The following TXN variants were observed in gnomAD, a reference collection of about 807,000 sequenced individuals.
TXN encodes ADF.
TXN carries 10 observed loss-of-function variants against 16.5 expected under a neutral mutation model. The ratio of observed to expected loss-of-function variants is 0.61; its 90% CI spans 0.37 to 1.03. TXN has a LOEUF of 1.03. Ranked by LOEUF, TXN falls within the 50% of genes least tolerant of loss-of-function variation. TXN has a pLI of 0.01. For missense variants in TXN, 71 were observed against 122.5 expected (o/e 0.58, Z 1.98); for synonymous variants, 35 against 39.4 (o/e 0.89, Z 0.42).
At chr9:110,252,881 G>C (rs1397133346) in intron 1 of TXN, among the ~76,000 whole-genome samples, 2 of 152,214 alleles carry the variant, frequency 1.3e-5, no homozygotes, top group East Asian at 3.9e-4. Flanking sequence ...CTGACCTGAA[G>C]TGATCCACCC....
intron 1 of TXN, among the ~76,000 whole-genome samples, chr9:110,254,044 A>AT (rs374843648): frequency 1.8e-3 from 281 of 152,100 alleles, no homozygotes; most frequent in African/African-American, 6.1e-3. Context: ...GGTAGGTGTC[A>AT]TTTTTTTTAA....
intron 3 of TXN, among the ~76,000 whole-genome samples, chr9:110,248,813 CT>C (rs1328938531): frequency 1.3e-5 from 2 of 151,962 alleles, no homozygotes; most frequent in Non-Finnish European, 2.9e-5. Flanking sequence ...CATCTGGCAC[CT>C]ATTATTGCTT....
At chr9:110,244,705 A>C (rs4135223) in intron 4 of TXN, 73 bp downstream of exon 4, 60,173 of 1,295,268 alleles carry the variant, frequency 0.046, 1,733 homozygotes, top group Non-Finnish European at 0.059. Flanking sequence ...AGGGAACATC[A>C]CTCCAGTGAT....
chr9:110,250,963 T>C (rs1837725897), intron 2 of TXN, 84 bp from the exon 3 acceptor site: 1 of 979,628 alleles, frequency 1.0e-6, no homozygotes, highest in African/African-American at 1.6e-5. Context: ...AAATGGAAAC[T>C]TAATAAAAGT....
chr9:110,249,651 G>T (rs1226314686), intron 3 of TXN, among the ~76,000 whole-genome samples: 2 of 152,184 alleles, frequency 1.3e-5, no homozygotes, highest in Non-Finnish European at 2.9e-5. Flanking sequence ...CAAGGCAGGG[G>T]TTGCCCAAGG....
chr9:110,247,663 T>C (rs1380049664), intron 3 of TXN, among the ~76,000 whole-genome samples: 3 of 152,256 alleles, frequency 2.0e-5, no homozygotes, highest in Non-Finnish European at 4.4e-5. Context: ...TTAATAAACT[T>C]GCTTTCACTT....
At chr9:110,254,052 TAA>T (rs1837774736) in intron 1 of TXN, among the ~76,000 whole-genome samples, 1 of 152,138 alleles carries the variant, frequency 6.6e-6, no homozygotes, top group Non-Finnish European at 1.5e-5. Flanking sequence ...TCATTTTTTT[TAA>T]AAGTGTTTAT....
At chr9:110,244,996 G>A in intron 3 of TXN, 153 bp from the exon 4 acceptor site, 1 of 528,726 alleles carries the variant, frequency 1.9e-6, no homozygotes, top group Non-Finnish European at 3.5e-6. Flanking sequence ...TTAATATAAT[G>A]AATATAATGG....
In TXN at chr9:110,251,394, C is replaced by T; in HGVS notation, c.93G>A (p.Trp31Ter). Residue 31 changes from tryptophan (W) to a stop codon, truncating the protein, a stop_gained, in exon 2 of 5, where the codon TGG becomes TGA. Transcript: ENST00000374517. LOFTEE classifies it high-confidence loss of function. The stretch of plus-strand genomic sequence containing the variant: ...GCTTGATCATTTTGCAAGGCCCACA[C>T]CACGTGGCTGAGAAGTCAACTACTA... ...KLVVVDFSAT[W>*]CGPCKMIKPF... 1 of 1,611,958 alleles carries T rather than the reference C, an allele frequency of 6.2e-7. No individual in the cohort carries two copies. Among genetic ancestry groups the T allele is most frequent in the Non-Finnish European group, 8.5e-7 (1 of 1,179,802 alleles).
rs565594763 is a variant in TXN at position 110,251,399 on chromosome 9, T to G, written c.88A>C (p.Thr30Pro). 6.2e-7 allele frequency: 1 copy of G among 1,612,114 alleles called. No individual in the cohort carries two copies. Among genetic ancestry groups the G allele is most frequent in the African/African-American group, 1.3e-5 (1 of 74,974 alleles). ...ATCATTTTGCAAGGCCCACACCACG[T>G]GGCTGAGAAGTCAACTACTACAAGT... ...DKLVVVDFSA[T>P]WCGPCKMIKP... Residue 30 changes from threonine to proline, a missense_variant, in exon 2 of 5, where the codon ACG (threonine) becomes CCG (proline). By Grantham distance (38) the Thr-to-Pro change is conservative. Coordinates refer to ENST00000374517, the MANE Select transcript of TXN (RefSeq NM_003329.4).
At chr9:110,246,924 T>C (rs1220222972) in intron 3 of TXN, among the ~76,000 whole-genome samples, 1 of 151,908 alleles carries the variant, frequency 6.6e-6, no homozygotes, top group Non-Finnish European at 1.5e-5. Flanking sequence ...AGAAATAAGG[T>C]TGGTCTATCA....
chr9:110,245,883 G>A (rs1044335730), intron 3 of TXN, among the ~76,000 whole-genome samples: 6 of 151,360 alleles, frequency 4.0e-5, no homozygotes, highest in Non-Finnish European at 7.4e-5. Flanking sequence ...TGGCTAACAC[G>A]GAGAAACCCC....
intron 2 of TXN, among the ~76,000 whole-genome samples, chr9:110,251,137 G>T (rs377255805): frequency 6.6e-6 from 1 of 152,082 alleles, no homozygotes; most frequent in Admixed American, 6.6e-5. Flanking sequence ...GGGAAAAAAA[G>T]AACTATTTAA....
chr9:110,256,269 C>T lies in TXN; in HGVS notation c.24+143G>A, dbSNP rs935155448. The T allele has an allele frequency of 2.3e-5, 22 of 939,008 alleles. No homozygotes were observed. The highest frequency in any genetic ancestry group is 3.4e-5 in the Non-Finnish European group (21 of 617,238). 58.2% of individuals were successfully genotyped at this position (939,008 alleles called of 1,614,324 possible). ...TGCTTCCCGCAGTCCCAGGCCGAGACGCCGCGTCCCTTTCCCCTGGCGATG... is the reference window on the plus strand; with the variant it reads ...TGCTTCCCGCAGTCCCAGGCCGAGATGCCGCGTCCCTTTCCCCTGGCGATG... On this transcript the variant is annotated intron_variant, in intron 1 of 4. Coordinates refer to ENST00000374517, the MANE Select transcript of TXN (RefSeq NM_003329.4). This position sits in a 1 kb window ranked among gnomAD's most constrained non-coding sequence, Gnocchi z 4.2.
chr9:110,248,692 A>G (rs1487138873), intron 3 of TXN, among the ~76,000 whole-genome samples: 1 of 152,154 alleles, frequency 6.6e-6, no homozygotes, highest in Non-Finnish European at 1.5e-5. Context: ...GACTGACTTT[A>G]CCTTCTGTGC....
At chr9:110,253,441 T>C (rs936666771) in intron 1 of TXN, among the ~76,000 whole-genome samples, 9 of 152,152 alleles carry the variant, frequency 5.9e-5, no homozygotes, top group African/African-American at 2.2e-4. Context: ...CCTTCCCTAA[T>C]GTGATTTTCA....
chr9:110,254,259 G>C (rs4135169), intron 1 of TXN, among the ~76,000 whole-genome samples: 1 of 152,176 alleles, frequency 6.6e-6, no homozygotes, highest in Non-Finnish European at 1.5e-5. Context: ...GGTGGTTCAC[G>C]CCTGTAATCC....
chr9:110,244,981 G>A, intron 3 of TXN, 138 bp from the exon 4 acceptor site: 1 of 565,900 alleles, frequency 1.8e-6, no homozygotes, highest in Non-Finnish European at 3.2e-6. Context: ...TTCAGCATAT[G>A]AAAATTAATA....
intron 2 of TXN, 25 bp from the exon 3 acceptor site, chr9:110,250,904 C>A (rs1166615195): frequency 6.3e-7 from 1 of 1,582,912 alleles, no homozygotes; most frequent in African/African-American, 1.4e-5. Flanking sequence ...ATGAAAAATC[C>A]AAAAAGATTT....
Sources: allele counts gnomAD v4.1 joint callset (sites outside exome capture counted in the v4.1 genomes callset), GRCh38; gene constraint gnomAD v4.1.1; non-coding constraint Gnocchi (gnomAD v3.1); transcripts MANE v1.5; gene names NCBI Gene and HGNC (gene_info 2026-07-23, HGNC 2026-07-21).